The following GBF1 variants were observed in gnomAD, a reference collection of about 807,000 sequenced individuals.
The protein encoded by GBF1 is Golgi-specific brefeldin A-resistance guanine nucleotide exchange factor 1.
In GBF1, 114 loss-of-function variants were observed where a neutral mutation model predicts 210.5. The observed-to-expected ratio is 0.54, with a 90% CI of 0.47 to 0.63. GBF1 has a LOEUF of 0.63. Among genes scored for constraint, GBF1 ranks in the 30% least tolerant of loss-of-function variants. GBF1 has a pLI of 0.00. For synonymous variants in GBF1, 850 were observed against 889.2 expected (o/e 0.96, Z 0.78); for missense variants, 1,851 against 2,357.7 (o/e 0.79, Z 4.45).
intron 21 of GBF1, 90 bp downstream of exon 21, chr10:102,367,650 G>A: frequency 1.2e-6 from 1 of 811,580 alleles, no homozygotes; most frequent in African/African-American, 1.7e-5. Flanking sequence ...TCAGACTGCA[G>A]TGACTCACAT....
chr10:102,290,635 A>G (rs112286091), intron 3 of GBF1, among the ~76,000 whole-genome samples: 7,692 of 152,100 alleles, frequency 0.051, 390 homozygotes, highest in African/African-American at 0.13. Flanking sequence ...AGTAGCTGGG[A>G]CTACAGGTGT....
intron 3 of GBF1, among the ~76,000 whole-genome samples, chr10:102,290,764 C>CA (rs1041357758): frequency 2.0e-5 from 3 of 152,210 alleles, no homozygotes; most frequent in African/African-American, 4.8e-5. Context: ...CTGAGCCTCC[C>CA]AAAGTGTTGG....
chr10:102,317,719 CAA>C (rs1455326871), intron 3 of GBF1, among the ~76,000 whole-genome samples: 1 of 152,138 alleles, frequency 6.6e-6, no homozygotes. Context: ...CACGCAAACA[CAA>C]TATCACCCTT....
chr10:102,304,983 TAAA>T (rs1381174447), intron 3 of GBF1, among the ~76,000 whole-genome samples: 1 of 78,016 alleles, frequency 1.3e-5, no homozygotes, highest in South Asian at 5.3e-4. Context: ...GCACATCTCT[TAAA>T]AAAAAAGAAA....
At chr10:102,340,255 C>T (rs1282066484) in intron 3 of GBF1, among the ~76,000 whole-genome samples, 1 of 146,536 alleles carries the variant, frequency 6.8e-6, no homozygotes, top group Non-Finnish European at 1.5e-5. Context: ...AGCCACTGCT[C>T]CTGGTCCATG....
intron 3 of GBF1, among the ~76,000 whole-genome samples, chr10:102,336,299 CAAAAAAAAAA>C (rs566414701): frequency 2.0e-5 from 1 of 49,062 alleles, no homozygotes. Flanking sequence ...GACTTTGTCT[CAAAAAAAAAA>C]AAAAAGAAAA....
chr10:102,297,057 G>C (rs201017193), intron 3 of GBF1, among the ~76,000 whole-genome samples: 1 of 149,672 alleles, frequency 6.7e-6, no homozygotes, highest in Non-Finnish European at 1.5e-5. Flanking sequence ...AAAAAAAAAG[G>C]AAAAAAAAGG....
chr10:102,336,962 A>C (rs984193245), intron 3 of GBF1, among the ~76,000 whole-genome samples: 1 of 152,212 alleles, frequency 6.6e-6, no homozygotes. Context: ...CAGAAGTTGA[A>C]AGTATTTTAA....
At position 102,351,895 on chromosome 10, in the gene GBF1, C is replaced by G; in HGVS notation, c.467C>G (p.Ser156Cys). 2 of 1,612,418 alleles carry G rather than the reference C, an allele frequency of 1.2e-6. No individual in the cohort carries two copies. The highest frequency in any genetic ancestry group is 1.7e-6 in the Non-Finnish European group (2 of 1,178,480). Residue 156 changes from serine to cysteine, a missense_variant, in exon 6 of 40, where the codon TCT becomes TGT. By Grantham distance (112) the Ser-to-Cys change is moderately radical. Coordinates refer to ENST00000369983, the MANE Select transcript of GBF1 (RefSeq NM_001377137.1). ...GTGGGTGCCCACCTAACCAATGAAT[C>G]TGTGTGTGAGATTATGCAGTCTTGC... is the stretch of plus-strand genomic sequence containing the variant. ...TPVGAHLTNE[S>C]VCEIMQSCFR... is the part of the protein sequence containing the mutation.
chr10:102,281,192 G>A (rs2075441273), intron 3 of GBF1, among the ~76,000 whole-genome samples: 1 of 152,074 alleles, frequency 6.6e-6, no homozygotes, highest in Non-Finnish European at 1.5e-5. Context: ...TTTTTAAAAA[G>A]TTACTGTTCT....
Position 102,366,470 on chromosome 10 carries a change from C to T in GBF1, c.2397C>T (p.Ile799=). ...GTTTGCCTGGGGAAGCACCAGTCATCCAGAGGTTGCTGGAGGCATTCACAG... is the reference window on the plus strand; with the variant it reads ...GTTTGCCTGGGGAAGCACCAGTCATTCAGAGGTTGCTGGAGGCATTCACAG... ...AFRLPGEAPV[I]QRLLEAFTER... is the part of the protein sequence containing the mutation. Residue 799 remains isoleucine (I), a synonymous_variant, in exon 19 of 40, where the codon ATC becomes ATT. Coordinates refer to ENST00000369983, the MANE Select transcript of GBF1 (RefSeq NM_001377137.1). This position sits in a 1 kb window ranked among gnomAD's most constrained non-coding sequence, Gnocchi z 4.0. The T allele has an allele frequency of 6.2e-7, 1 of 1,614,012 alleles. No homozygotes were observed. The highest frequency in any genetic ancestry group is 8.5e-7 in the Non-Finnish European group (1 of 1,179,900).
At chr10:102,332,086 C>T (rs1412769844) in intron 3 of GBF1, among the ~76,000 whole-genome samples, 2 of 152,002 alleles carry the variant, frequency 1.3e-5, no homozygotes, top group African/African-American at 4.8e-5. Context: ...TTTCGAACTC[C>T]TGACCTCAAG....
At chr10:102,338,857 A>C (rs551102672) in intron 3 of GBF1, among the ~76,000 whole-genome samples, 1 of 152,092 alleles carries the variant, frequency 6.6e-6, no homozygotes, top group Non-Finnish European at 1.5e-5. Context: ...AGATCTGAAT[A>C]ATGGAGAGAC....
chr10:102,361,901 CTGCTGTCCAAGG>C lies in GBF1; in HGVS notation c.1681_1686+6del. On this transcript the variant is annotated splice_donor_variant and coding_sequence_variant, in exon 14 of 40. Transcript: ENST00000369983. LOFTEE classifies it high-confidence loss of function. ...CAACCTCTTTGAGGAACTCACAAAG[CTGCTGTCCAAGG>C]TGCTGAGCACTATAACTGGCTTCTA... 1 of 1,602,566 alleles carries C rather than the reference CTGCTGTCCAAGG, an allele frequency of 6.2e-7. No individual in the cohort carries two copies. Among genetic ancestry groups the C allele is most frequent in the South Asian group, 1.1e-5 (1 of 89,364 alleles).
At chr10:102,367,439 G>T (rs1206888622) in intron 20 of GBF1, 39 bp from the exon 21 acceptor site, 1 of 1,371,730 alleles carries the variant, frequency 7.3e-7, no homozygotes, top group South Asian at 1.2e-5. Context: ...GGGCTTCAGT[G>T]TTGACACAAG....
chr10:102,361,091 A>G lies in GBF1; in HGVS notation c.1462A>G (p.Met488Val). Residue 488 changes from methionine to valine, a missense_variant, in exon 13 of 40, where the codon ATG becomes GTG. Coordinates refer to ENST00000369983, the MANE Select transcript of GBF1 (RefSeq NM_001377137.1). Reference protein sequence around the residue: ...LRVCFLLFESMREHLKFQMEM... With the variant: ...LRVCFLLFESVREHLKFQMEM... ...AGTATGCTTCCTACTGTTTGAGAGC[A>G]TGCGAGAGCACCTCAAGTTCCAAAT... 2 of 1,601,486 alleles carry G rather than the reference A, an allele frequency of 1.2e-6. No homozygotes were observed. Among genetic ancestry groups the G allele is most frequent in the Middle Eastern group, 3.3e-4 (2 of 6,036 alleles).
the GBF1 span, chr10:102,231,726 C>T: frequency 6.2e-7 from 1 of 1,610,566 alleles, no homozygotes; most frequent in Non-Finnish European, 8.5e-7. Context: ...GCCGCCGCTG[C>T]TTCTTTTTCA....
At chr10:102,234,721 T>A in the GBF1 span, among the ~76,000 whole-genome samples, 4 of 152,070 alleles carry the variant, frequency 2.6e-5, no homozygotes, top group Non-Finnish European at 4.4e-5. Context: ...GGAAGCAACA[T>A]GGAGCTGGGA....
chr10:102,246,076 C>T (rs2070790592), intron 1 of GBF1, among the ~76,000 whole-genome samples: 1 of 152,178 alleles, frequency 6.6e-6, no homozygotes, highest in Non-Finnish European at 1.5e-5. Context: ...TCCTTTCCAG[C>T]GCTTTCTGCA....
Sources: gnomAD v4.1 joint callset for allele counts (sites outside exome capture counted in the v4.1 genomes callset) on GRCh38, gnomAD v4.1.1 for gene constraint, Gnocchi (gnomAD v3.1) non-coding constraint, MANE v1.5 for transcripts, NCBI Gene and HGNC (gene_info 2026-07-23, HGNC 2026-07-21) for gene names.